CHN1: variants seen among roughly 807,000 people sequenced by gnomAD.
The protein encoded by CHN1 is chimerin 1.
A neutral mutation model predicts 59.5 loss-of-function variants in CHN1; 37 were observed. That is an observed-to-expected ratio of 0.62 (90% CI 0.48 to 0.82). CHN1 has a LOEUF of 0.82. Among genes scored for constraint, CHN1 ranks in the 40% least tolerant of loss-of-function variants. The pLI, the probability that CHN1 is intolerant of heterozygous loss-of-function variation, is 0.00. For synonymous variants in CHN1, 206 were observed against 200.4 expected (o/e 1.03, Z -0.24); for missense variants, 469 against 571.0 (o/e 0.82, Z 1.82).
intron 3 of CHN1, among the ~76,000 whole-genome samples, chr2:174,936,906 T>C (rs888938244): frequency 2.6e-5 from 4 of 152,216 alleles, no homozygotes; most frequent in African/African-American, 4.8e-5. Flanking sequence ...CCTGGTCATC[T>C]TCTTCCTTTA....
intron 1 of CHN1, among the ~76,000 whole-genome samples, chr2:174,984,487 G>GTAGGAGTCTCCAGTCT (rs1236991842): frequency 4.7e-5 from 7 of 150,170 alleles, no homozygotes; most frequent in Admixed American, 4.0e-4. Context: ...TCCTGCCTCA[G>GTAGGAGTCTCCAGTCT]CCTCCCAAGT....
intron 1 of CHN1, among the ~76,000 whole-genome samples, chr2:174,961,442 T>G (rs1163538885): frequency 6.6e-6 from 1 of 151,280 alleles, no homozygotes; most frequent in Non-Finnish European, 1.5e-5. Context: ...AAATACAAAA[T>G]TAGCCGGGCA....
intron 7 of CHN1, among the ~76,000 whole-genome samples, chr2:174,836,404 C>T (rs73973637): frequency 4.8e-4 from 73 of 152,256 alleles, no homozygotes; most frequent in African/African-American, 1.7e-3. Flanking sequence ...TTCATGTGAA[C>T]GCCAACCAGT....
chr2:174,826,574 A>G (rs770155869), intron 7 of CHN1, among the ~76,000 whole-genome samples: 4 of 152,340 alleles, frequency 2.6e-5, no homozygotes, highest in Middle Eastern at 3.4e-3. Context: ...CAGTTATCTC[A>G]TGGTAAAGCA....
intron 11 of CHN1, among the ~76,000 whole-genome samples, chr2:174,808,556 A>T (rs1343201123): frequency 6.6e-6 from 1 of 152,202 alleles, no homozygotes; most frequent in Non-Finnish European, 1.5e-5. Flanking sequence ...AAGTGCTGGG[A>T]TTACAGGCGT....
chr2:174,955,216 T>C (rs1344418398), intron 1 of CHN1, among the ~76,000 whole-genome samples: 1 of 42,856 alleles, frequency 2.3e-5, no homozygotes. Flanking sequence ...TATATATATA[T>C]ATCTATATAG....
intron 5 of CHN1, among the ~76,000 whole-genome samples, chr2:174,908,135 C>T (rs2105363710): frequency 6.6e-6 from 1 of 152,244 alleles, no homozygotes; most frequent in East Asian, 1.9e-4. Flanking sequence ...TCACTTTGTT[C>T]TTCTCCCAAT....
intron 7 of CHN1, among the ~76,000 whole-genome samples, chr2:174,841,331 GTCC>G (rs1686294206): frequency 6.6e-6 from 1 of 152,142 alleles, no homozygotes; most frequent in African/African-American, 2.4e-5. Flanking sequence ...AGGTTCTGTG[GTCC>G]TCCTCACCAG....
rs1171582829 is a variant in CHN1 at position 174,812,413 on chromosome 2, T to C, written c.782A>G (p.His261Arg). 1.9e-6 allele frequency: 3 copies of C among 1,613,916 alleles called. No individual in the cohort carries two copies. The highest frequency in any genetic ancestry group is 2.5e-6 in the Non-Finnish European group (3 of 1,179,900). Residue 261 changes from histidine (H) to arginine (R), a missense_variant, in exon 9 of 13, where the codon CAT (histidine) becomes CGT (arginine). Around this residue, in one of 5 missense-constraint regions of CHN1, gnomAD observed 225 missense variants for 289.9 expected, o/e 0.78. Coordinates refer to ENST00000409900, the MANE Select transcript of CHN1 (RefSeq NM_001822.7). ...GTCACAGCTGTACACCTTTTTGACA[T>C]GCTTCAAGTCTGGCTTACAGTCATT... Reference protein sequence around the residue: ...VPNDCKPDLKHVKKVYSCDLT... With the variant: ...VPNDCKPDLKRVKKVYSCDLT...
chr2:174,990,966 AACAT>A (rs1691528330), intron 1 of CHN1, among the ~76,000 whole-genome samples: 2 of 152,222 alleles, frequency 1.3e-5, no homozygotes, highest in Non-Finnish European at 2.9e-5. Flanking sequence ...ATTTCATCAA[AACAT>A]TTTTTTCAGA....
At chr2:174,946,022 C>G (rs1233825044) in intron 2 of CHN1, among the ~76,000 whole-genome samples, 1 of 151,924 alleles carries the variant, frequency 6.6e-6, no homozygotes, top group East Asian at 1.9e-4. Context: ...ACTGTGAGTA[C>G]TTCTATGCAA....
intron 8 of CHN1, among the ~76,000 whole-genome samples, chr2:174,818,980 A>C (rs1003706547): frequency 3.9e-5 from 6 of 152,196 alleles, no homozygotes; most frequent in African/African-American, 4.8e-5. Context: ...TATTTTAAAT[A>C]ATGGCAAATA....
chr2:174,968,655 T>C (rs1263323698), intron 1 of CHN1, among the ~76,000 whole-genome samples: 1 of 152,240 alleles, frequency 6.6e-6, no homozygotes, highest in Non-Finnish European at 1.5e-5. Flanking sequence ...TCTGGGGCTG[T>C]AACGTTTCTT....
intron 3 of CHN1, among the ~76,000 whole-genome samples, chr2:174,922,409 A>C (rs904370154): frequency 6.6e-6 from 1 of 152,208 alleles, no homozygotes; most frequent in South Asian, 2.1e-4. Flanking sequence ...AAAATGGGTT[A>C]GTCAGGCATG....
intron 1 of CHN1, among the ~76,000 whole-genome samples, chr2:174,977,752 C>T (rs767714403): frequency 5.7e-4 from 87 of 152,256 alleles, no homozygotes; most frequent in Admixed American, 1.2e-3. Flanking sequence ...CTTCATGAGG[C>T]TTACATTTCT....
chr2:174,959,525 C>T (rs147560517), intron 1 of CHN1, among the ~76,000 whole-genome samples: 4 of 152,124 alleles, frequency 2.6e-5, no homozygotes, highest in African/African-American at 4.8e-5. Flanking sequence ...TTTTCCAGGA[C>T]GCTAAATCTT....
At chr2:174,870,671 C>T (rs1574109154) in intron 6 of CHN1, among the ~76,000 whole-genome samples, 1 of 152,118 alleles carries the variant, frequency 6.6e-6, no homozygotes, top group South Asian at 2.1e-4. Flanking sequence ...TTGCTTTGTA[C>T]CCCAAATGGT....
chr2:174,812,376 G>C lies in CHN1; in HGVS notation c.819C>G (p.Leu273=), dbSNP rs760305779. The C allele has an allele frequency of 1.9e-6, 3 of 1,613,970 alleles. No individual in the cohort carries two copies. Among genetic ancestry groups the C allele is most frequent in the Non-Finnish European group, 2.5e-6 (3 of 1,179,868 alleles). The change falls in exon 9 of 13, where the codon CTC becomes CTG. Residue 273 remains leucine, a synonymous_variant. Transcript: ENST00000409900. ...GCCGCTTAGTGGTATGTGCTTTCAC[G>C]AGCGTCGTAAGGTCACAGCTGTACA... ...KKVYSCDLTT[L]VKAHTTKRPM...
At chr2:174,811,165 CAAGCCTGAG>C (rs1185654057) in intron 10 of CHN1, 2 of 161,066 alleles carry the variant, frequency 1.2e-5, no homozygotes, top group Non-Finnish European at 2.7e-5. Context: ...TGGGTTAACT[CAAGCCTGAG>C]AAGCCTGAAA....
Sources: allele counts gnomAD v4.1 joint callset (sites outside exome capture counted in the v4.1 genomes callset), GRCh38; gene constraint gnomAD v4.1.1; regional missense constraint gnomAD v4.1.1; transcripts MANE v1.5; gene names NCBI Gene and HGNC (gene_info 2026-07-23, HGNC 2026-07-21).